The following DCAF8L2 variants were observed in gnomAD, a reference collection of about 807,000 sequenced individuals.
DCAF8L2 encodes DDB1- and CUL4-associated factor 8-like protein 2.
For missense variants in DCAF8L2, 430 were observed against 490.7 expected (o/e 0.88, Z 1.17); for synonymous variants, 200 against 190.9 (o/e 1.05, Z -0.39).
intron 1 of DCAF8L2, among the ~76,000 whole-genome samples, chrX:27,595,371 A>T (rs1926304646): frequency 9.0e-6 from 1 of 111,537 alleles, no homozygotes; most frequent in African/African-American, 3.3e-5. Flanking sequence ...AGTCATTCTC[A>T]TCTCAGTTAA....
chrX:27,611,778 C>T (rs1388074410), intron 1 of DCAF8L2, among the ~76,000 whole-genome samples: 3 of 110,844 alleles, frequency 2.7e-5, no homozygotes, highest in Non-Finnish European at 5.7e-5. Flanking sequence ...TGAAGTCATC[C>T]TTTTTTATGG....
rs567203614 is a variant in DCAF8L2 at position 27,594,167 on chromosome X, A to G, written c.-342+3727A>G. 1.1e-4 allele frequency among the ~76,000 whole-genome samples: 12 copies of G among 111,903 alleles called. No homozygotes were observed. In the South Asian group the frequency reaches 4.4e-3, roughly 41 times the overall value. ...TGATATATTTTTAGTATTAATGTAT[A>G]AGTACACATCTATAACTTTTTTTAC... On this transcript the variant is annotated intron_variant, in intron 1 of 4. Transcript: ENST00000451261.
intron 4 of DCAF8L2, among the ~76,000 whole-genome samples, chrX:27,723,308 A>G (rs1931961805): frequency 9.0e-6 from 1 of 111,012 alleles, no homozygotes; most frequent in African/African-American, 3.3e-5. Flanking sequence ...AGAGCTGTGA[A>G]ATATCTTTAC....
chrX:27,700,981 C>A (rs1416543181), intron 3 of DCAF8L2, among the ~76,000 whole-genome samples: 1 of 110,964 alleles, frequency 9.0e-6, no homozygotes, highest in Non-Finnish European at 1.9e-5. Context: ...AATAAAATCA[C>A]CTTCCTCTCA....
chrX:27,513,083 C>A, the DCAF8L2 span, among the ~76,000 whole-genome samples: 2 of 111,533 alleles, frequency 1.8e-5, no homozygotes, highest in South Asian at 7.4e-4. Flanking sequence ...TCACCATACA[C>A]AAAATCAACT....
intron 1 of DCAF8L2, among the ~76,000 whole-genome samples, chrX:27,608,148 T>G (rs1926993733): frequency 9.0e-6 from 1 of 111,697 alleles, no homozygotes; most frequent in African/African-American, 3.2e-5. Flanking sequence ...ATTTCTCTTG[T>G]TCTATAGTAA....
At chrX:27,470,133 C>T in the DCAF8L2 span, among the ~76,000 whole-genome samples, 3 of 74,476 alleles carry the variant, frequency 4.0e-5, no homozygotes, top group East Asian at 1.2e-3. Flanking sequence ...TTGAATTACA[C>T]ATTAAAATCA....
the DCAF8L2 span, chrX:27,518,961 T>C: frequency 3.2e-6 from 2 of 617,480 alleles, no homozygotes; most frequent in Non-Finnish European, 5.5e-6. Context: ...ATTTTGTTTT[T>C]TATGCACCTC....
chrX:27,714,874 G>A (rs892495841), intron 3 of DCAF8L2, among the ~76,000 whole-genome samples: 58 of 111,612 alleles, frequency 5.2e-4, no homozygotes, highest in African/African-American at 1.9e-3. Context: ...TATAAAACAT[G>A]TTTAAAGTAG....
chrX:27,569,064 T>C, the DCAF8L2 span, among the ~76,000 whole-genome samples: 1 of 110,046 alleles, frequency 9.1e-6, no homozygotes, highest in Non-Finnish European at 1.9e-5. Flanking sequence ...TCATTATCCA[T>C]GTATTAAATG....
At chrX:27,528,727 A>G in the DCAF8L2 span, among the ~76,000 whole-genome samples, 29 of 110,423 alleles carry the variant, frequency 2.6e-4, no homozygotes, top group East Asian at 7.1e-3. Context: ...TTTGAACTGC[A>G]TTGCTTTATT....
At chrX:27,608,408 AT>A in intron 1 of DCAF8L2, among the ~76,000 whole-genome samples, 1 of 112,051 alleles carries the variant, frequency 8.9e-6, no homozygotes, top group Non-Finnish European at 1.9e-5. Context: ...AAAAGAAGTA[AT>A]TTAAAATATT....
At chrX:27,614,688 T>A (rs1927371123) in intron 1 of DCAF8L2, among the ~76,000 whole-genome samples, 1 of 111,789 alleles carries the variant, frequency 8.9e-6, no homozygotes, top group African/African-American at 3.3e-5. Context: ...ACATCTTTAT[T>A]TCTGCCTTCA....
At chrX:27,583,084 T>C in the DCAF8L2 span, among the ~76,000 whole-genome samples, 1 of 111,790 alleles carries the variant, frequency 8.9e-6, no homozygotes, top group Non-Finnish European at 1.9e-5. Context: ...TATTTCTCTT[T>C]TTCTTTCTAT....
At chrX:27,587,008 T>C (rs1041351547), upstream of DCAF8L2, among the ~76,000 whole-genome samples, 2 of 111,112 alleles carry the variant, frequency 1.8e-5, no homozygotes, top group African/African-American at 3.3e-5. Flanking sequence ...CTTTATCTTT[T>C]CCGAAACCTA....
chrX:27,697,516 T>C (rs1274959360), intron 3 of DCAF8L2, among the ~76,000 whole-genome samples: 2 of 111,431 alleles, frequency 1.8e-5, no homozygotes, highest in Admixed American at 9.6e-5. Flanking sequence ...AGTTGGAGGA[T>C]TGTAACATTT....
At chrX:27,615,461 T>C (rs1421696838) in intron 1 of DCAF8L2, among the ~76,000 whole-genome samples, 2 of 111,228 alleles carry the variant, frequency 1.8e-5, no homozygotes, top group Admixed American at 1.9e-4. Flanking sequence ...TCAGAAGCCA[T>C]AAATATTTTT....
the DCAF8L2 span, among the ~76,000 whole-genome samples, chrX:27,566,765 T>G: frequency 9.0e-6 from 1 of 111,102 alleles, no homozygotes; most frequent in Non-Finnish European, 1.9e-5. Flanking sequence ...TCTGCTAACT[T>G]TGGACTTAGG....
At chrX:27,487,118 G>C in the DCAF8L2 span, among the ~76,000 whole-genome samples, 9 of 111,736 alleles carry the variant, frequency 8.1e-5, no homozygotes, top group African/African-American at 2.9e-4. Flanking sequence ...CAGTTATTTA[G>C]ATAATCATTA....
Sources: allele counts gnomAD v4.1 joint callset (sites outside exome capture counted in the v4.1 genomes callset), GRCh38; gene constraint gnomAD v4.1.1; transcripts MANE v1.5; gene names NCBI Gene and HGNC (gene_info 2026-07-23, HGNC 2026-07-21).